Variants in SULT2A1 observed in about 807,000 individuals in gnomAD.
SULT2A1 encodes sulfotransferase family 2A member 1, also known as sulfotransferase 2A1.
Under a neutral mutation model 33.9 loss-of-function variants are expected in SULT2A1, and 43 were observed. The observed-to-expected ratio is 1.27, with a 90% CI of 1.00 to 1.64. SULT2A1 has a LOEUF of 1.64. Among genes scored for constraint, SULT2A1 ranks in the 40% most tolerant of loss-of-function variants. The pLI is 0.00. For synonymous variants in SULT2A1, 125 were observed against 113.6 expected (o/e 1.10, Z -0.64); for missense variants, 300 against 335.1 (o/e 0.90, Z 0.82).
rs1414880298 is a variant in SULT2A1, at chr19:47,883,674, C to T, written c.248G>A (p.Gly83Glu). The change falls in exon 2 of 6, where the codon GGG becomes GAG. Residue 83 changes from glycine (G) to glutamate (E), a missense_variant. Coordinates refer to ENST00000222002, the MANE Select transcript of SULT2A1 (RefSeq NM_003167.4). ...ERSPWVESEIGYTALSETESP... is the reference protein window; with the variant it reads ...ERSPWVESEIEYTALSETESP... ...CTCCGTTTCACTGAGTGCTGTATACCCAATCTCACTCTCTACCCAGGGTGA... is the reference window on the plus strand; with the variant it reads ...CTCCGTTTCACTGAGTGCTGTATACTCAATCTCACTCTCTACCCAGGGTGA... The T allele has an allele frequency of 8.1e-6, 13 of 1,613,882 alleles. No individual in the cohort carries two copies. Among genetic ancestry groups the T allele is most frequent in the African/African-American group, 1.3e-5 (1 of 74,870 alleles).
In SULT2A1 at chr19:47,882,129, G is replaced by T; in HGVS notation, c.427C>A (p.Pro143Thr). The change falls in exon 3 of 6, where the codon CCA becomes ACA. Residue 143 changes from proline to threonine, a missense_variant. Coordinates refer to ENST00000222002, the MANE Select transcript of SULT2A1 (RefSeq NM_003167.4). ...TCAAAATATTCTTCCCATGACTTTG[G>T]TTTCTTAATAAACTTCATGTTTTTC... The part of the protein sequence containing the change: ...FWKNMKFIKK[P>T]KSWEEYFEWF... The T allele has an allele frequency of 6.2e-7, 1 of 1,613,856 alleles. No individual in the cohort carries two copies. The highest frequency in any genetic ancestry group is 8.5e-7 in the Non-Finnish European group (1 of 1,179,956).
In SULT2A1 at chr19:47,883,621, G is replaced by A; in HGVS notation, c.301C>T (p.Pro101Ser). Residue 101 changes from proline to serine, a missense_variant, in exon 2 of 6, where the codon CCC becomes TCC. Pro to Ser is a moderately conservative substitution (Grantham distance 74, BLOSUM62 -1). Coordinates refer to ENST00000222002, the MANE Select transcript of SULT2A1 (RefSeq NM_003167.4). ...AAAGACTTGGGGAATAACTGGATGG[G>A]GAGGTGGGAGGAGAATAAACGTGGA... ...ESPRLFSSHLPIQLFPKSFFS... is the reference protein window; with the variant it reads ...ESPRLFSSHLSIQLFPKSFFS... The A allele has an allele frequency of 3.7e-6, 6 of 1,614,078 alleles. No homozygotes were observed. The highest frequency in any genetic ancestry group is 4.2e-6 in the Non-Finnish European group (5 of 1,180,016).
intron 3 of SULT2A1, among the ~76,000 whole-genome samples, chr19:47,880,582 T>G (rs976979460): frequency 6.6e-6 from 1 of 150,590 alleles, no homozygotes; most frequent in Admixed American, 6.7e-5. Flanking sequence ...ATTATTATTA[T>G]TATTATTATT....
chr19:47,880,103 G>A (rs1194835050), intron 3 of SULT2A1, among the ~76,000 whole-genome samples: 1 of 151,784 alleles, frequency 6.6e-6, no homozygotes, highest in African/African-American at 2.4e-5. Flanking sequence ...CGGGTGTGAT[G>A]GCGGGCGCCT....
chr19:47,878,968 A>T, intron 4 of SULT2A1, 68 bp downstream of exon 4: 1 of 988,776 alleles, frequency 1.0e-6, no homozygotes, highest in Non-Finnish European at 1.6e-6. Context: ...AGCGGGATGG[A>T]GGGAATTTAA....
At chr19:47,872,524 C>G (rs1037509835) in intron 5 of SULT2A1, among the ~76,000 whole-genome samples, 1 of 152,112 alleles carries the variant, frequency 6.6e-6, no homozygotes, top group African/African-American at 2.4e-5. Flanking sequence ...TGGAACGCTG[C>G]TCTCTCAGAT....
At chr19:47,878,349 T>C (rs368621206) in intron 4 of SULT2A1, among the ~76,000 whole-genome samples, 2 of 151,918 alleles carry the variant, frequency 1.3e-5, no homozygotes, top group South Asian at 2.1e-4. Context: ...TGGCTAATTT[T>C]TTTTTTCCTT....
Position 47,871,209 on chromosome 19 carries a change from C to T in SULT2A1, c.*246G>A, listed in dbSNP as rs111787323. On this transcript the variant is annotated 3_prime_UTR_variant, in exon 6 of 6. Transcript: ENST00000222002. ...GTTTCACCGTGTTAGCCAGGATGGT[C>T]TCAGTCTCCTGACCTCGTGATCCGC... 2 of 403,968 alleles carry T rather than the reference C, an allele frequency of 5.0e-6. No homozygotes were observed. Among genetic ancestry groups the T allele is most frequent in the Non-Finnish European group, 8.8e-6 (2 of 226,180 alleles). The allele number at this position is 403,968 out of a possible 1,614,324, so 25.0% of individuals were successfully genotyped here.
At position 47,882,096 on chromosome 19, in the gene SULT2A1, A is replaced by G; in HGVS notation, c.460T>C (p.Cys154Arg). 1.2e-6 allele frequency: 2 copies of G among 1,613,752 alleles called. No individual in the cohort carries two copies. Among genetic ancestry groups the G allele is most frequent in the East Asian group, 2.2e-5 (1 of 44,872 alleles). The change falls in exon 3 of 6, where the codon TGT becomes CGT. Residue 154 changes from cysteine (C) to arginine (R), a missense_variant. Cys to Arg is a radical substitution (Grantham distance 180). Coordinates refer to ENST00000222002, the MANE Select transcript of SULT2A1 (RefSeq NM_003167.4). ...GTGAAACACTCACCAGTTCCTTGAC[A>G]AAACCATTCAAAATATTCTTCCCAT... ...KSWEEYFEWF[C>R]QGTVLYGSWF...
At chr19:47,876,003 A>T (rs12461162) in intron 4 of SULT2A1, among the ~76,000 whole-genome samples, 17,710 of 152,122 alleles carry the variant, frequency 0.12, 1,070 homozygotes, top group East Asian at 0.2. Context: ...ATAGATTTTT[A>T]TTTTTAAAAT....
intron 1 of SULT2A1, 132 bp downstream of exon 1, chr19:47,885,990 T>C (rs927398961): frequency 9.0e-7 from 1 of 1,105,532 alleles, no homozygotes; most frequent in Non-Finnish European, 1.3e-6. Context: ...TGATTGTCAA[T>C]GGTATTAGGC....
In SULT2A1 at chr19:47,871,148, AT is replaced by A. The variant is rs1275304539; in HGVS notation, c.*306del. 8.1e-5 allele frequency: 17 copies of A among 210,580 alleles called. No individual in the cohort carries two copies. Among genetic ancestry groups the A allele is most frequent in the South Asian group, 3.2e-4 (3 of 9,320 alleles). 13.0% of individuals were successfully genotyped at this position (210,580 alleles called of 1,614,324 possible). On this transcript the variant is annotated 3_prime_UTR_variant, in exon 6 of 6. Coordinates refer to ENST00000222002, the MANE Select transcript of SULT2A1 (RefSeq NM_003167.4). ...AGACATGAGCCAATGCGCCTGGCTA[AT>A]TTTTTTTGGTTTTTGTATTTTTAGT... is the stretch of plus-strand genomic sequence containing the variant.
Position 47,882,216 on chromosome 19 carries a change from A to G in SULT2A1, c.346-6T>C, listed in dbSNP as rs1272677296. On this transcript the variant is annotated splice_region_variant and splice_polypyrimidine_tract_variant and intron_variant, in intron 2 of 5. Transcript: ENST00000222002. ...TTTCTCATGAGATAAATCACCTTAA[A>G]TGGAAAAACGGGAGAATGAAAAATC... The G allele has an allele frequency of 1.2e-6, 2 of 1,607,750 alleles. No homozygotes were observed. The highest frequency in any genetic ancestry group is 1.7e-6 in the Non-Finnish European group (2 of 1,177,158).
At position 47,883,583 on chromosome 19, in the gene SULT2A1, C is replaced by G. The variant is rs771516118; in HGVS notation, c.339G>C (p.Lys113Asn). The G allele has an allele frequency of 6.2e-7, 1 of 1,613,914 alleles. No homozygotes were observed. The highest frequency in any genetic ancestry group is 8.5e-7 in the Non-Finnish European group (1 of 1,179,984). The change falls in exon 2 of 6, where the codon AAG becomes AAC. Residue 113 changes from lysine (K) to asparagine (N), a missense_variant. Physicochemically the swap from Lys to Asn is moderately conservative, Grantham distance 94. Coordinates refer to ENST00000222002, the MANE Select transcript of SULT2A1 (RefSeq NM_003167.4). ...TTAACCATTATGCACTGACCTTGGC[C>G]TTGGAACTGAAGAAAGACTTGGGGA... ...QLFPKSFFSS[K>N]AKVIYLMRNP...
At position 47,871,432 on chromosome 19, in the gene SULT2A1, T is replaced by C. The variant is rs746186661; in HGVS notation, c.*23A>G. 3 of 1,543,606 alleles carry C rather than the reference T, an allele frequency of 1.9e-6. No homozygotes were observed. Among genetic ancestry groups the C allele is most frequent in the South Asian group, 1.1e-5 (1 of 89,630 alleles). On this transcript the variant is annotated 3_prime_UTR_variant, in exon 6 of 6. Transcript: ENST00000222002. ...AGGAGAATCAATGTCATTCTCCATA[T>C]AAGATCCAGAGTGTTTTGGACGTTA... is the stretch of plus-strand genomic sequence containing the variant.
At chr19:47,877,044 T>A (rs1241626157) in intron 4 of SULT2A1, among the ~76,000 whole-genome samples, 1 of 134,476 alleles carries the variant, frequency 7.4e-6, no homozygotes, top group Non-Finnish European at 1.5e-5. Flanking sequence ...GCCACTGCAC[T>A]CCAGCCTGGG....
intron 1 of SULT2A1, among the ~76,000 whole-genome samples, chr19:47,884,104 C>CAAA (rs532247197): frequency 1.7e-5 from 2 of 116,174 alleles, no homozygotes; most frequent in African/African-American, 6.3e-5. Context: ...GACTCAGTCT[C>CAAA]AAAAAAAAAA....
chr19:47,874,269 C>T (rs373952711), intron 5 of SULT2A1, among the ~76,000 whole-genome samples: 6 of 152,052 alleles, frequency 3.9e-5, no homozygotes, highest in African/African-American at 9.6e-5. Flanking sequence ...GGCCGGGCGC[C>T]GTGGCTCATG....
In SULT2A1 at chr19:47,879,056, TCAGTAA is replaced by T; in HGVS notation, c.541_546del (p.Leu181_Leu182del). 6.2e-7 allele frequency: 1 copy of T among 1,612,688 alleles called. No homozygotes were observed. The highest frequency in any genetic ancestry group is 8.5e-7 in the Non-Finnish European group (1 of 1,178,800). On this transcript the variant is annotated inframe_deletion, in exon 4 of 6. Transcript: ENST00000222002. ...ATTACCTGTTTCAGCTCCTCATAAC[TCAGTAA>T]CAGGAAGTTTTTCTCCTCTCTCATG...
Sources: allele counts gnomAD v4.1 joint callset (sites outside exome capture counted in the v4.1 genomes callset), GRCh38; gene constraint gnomAD v4.1.1; transcripts MANE v1.5; gene names NCBI Gene and HGNC (gene_info 2026-07-23, HGNC 2026-07-21).